OMA1: variants seen among roughly 807,000 people sequenced by gnomAD.
OMA1 encodes OMA1 zinc metallopeptidase, also known as metalloendopeptidase OMA1, mitochondrial.
OMA1 carries 38 observed loss-of-function variants against 30.9 expected under a neutral mutation model. That is an observed-to-expected ratio of 1.23 (90% CI 0.95 to 1.61). OMA1 has a LOEUF of 1.61. Among genes scored for constraint, OMA1 ranks in the 40% most tolerant of loss-of-function variants. The pLI is 0.00. For missense variants in OMA1, 461 were observed against 349.2 expected, an observed-to-expected ratio of 1.32 and a Z score of -2.55; for synonymous variants, 173 against 121.9, an observed-to-expected ratio of 1.42 and a Z score of -2.76.
chr1:58,519,835 A>T (rs1280675596), intron 7 of OMA1, among the ~76,000 whole-genome samples: 4 of 152,250 alleles, frequency 2.6e-5, no homozygotes, highest in Non-Finnish European at 5.9e-5. Context: ...GAAATTTATA[A>T]AAGAGCATCA....
intron 2 of OMA1, among the ~76,000 whole-genome samples, chr1:58,538,361 C>G (rs1203880578): frequency 1.3e-5 from 2 of 152,084 alleles, no homozygotes; most frequent in African/African-American, 2.4e-5. Context: ...AAGCAAAGTT[C>G]CTCAATTTTA....
chr1:58,496,443 C>T (rs1468012347), intron 8 of OMA1, among the ~76,000 whole-genome samples: 2 of 152,130 alleles, frequency 1.3e-5, no homozygotes, highest in African/African-American at 4.8e-5. Flanking sequence ...ATGTTCTTGC[C>T]GCCTTGCCTG....
At chr1:58,493,111 C>T (rs1365158241) in intron 8 of OMA1, among the ~76,000 whole-genome samples, 6 of 152,178 alleles carry the variant, frequency 3.9e-5, no homozygotes, top group Admixed American at 1.3e-4. Flanking sequence ...GCTGGTTCAA[C>T]ATACGCAAAT....
intron 7 of OMA1, among the ~76,000 whole-genome samples, chr1:58,522,530 A>G (rs540247235): frequency 3.9e-5 from 6 of 152,280 alleles, no homozygotes; most frequent in Non-Finnish European, 8.8e-5. Context: ...CCCATCACCA[A>G]CTTTGTACTA....
chr1:58,510,242 G>A (rs745925910), intron 7 of OMA1, among the ~76,000 whole-genome samples: 1 of 151,952 alleles, frequency 6.6e-6, no homozygotes, highest in Non-Finnish European at 1.5e-5. Context: ...CAAAATACTA[G>A]CAAGCCAAAT....
At chr1:58,511,210 C>T (rs570030584) in intron 7 of OMA1, among the ~76,000 whole-genome samples, 3 of 152,126 alleles carry the variant, frequency 2.0e-5, no homozygotes, top group Non-Finnish European at 4.4e-5. Flanking sequence ...CATCATGCTT[C>T]CTGATTTCAA....
intron 7 of OMA1, among the ~76,000 whole-genome samples, chr1:58,512,432 C>G (rs1384196914): frequency 6.6e-6 from 1 of 152,126 alleles, no homozygotes; most frequent in Non-Finnish European, 1.5e-5. Context: ...ATCAGGATCT[C>G]AAAGGGATTT....
chr1:58,535,572 G>A (rs1195772573), intron 3 of OMA1, among the ~76,000 whole-genome samples: 1 of 149,210 alleles, frequency 6.7e-6, no homozygotes, highest in Non-Finnish European at 1.5e-5. Context: ...GTACAGCCTG[G>A]GTGACAGAGC....
chr1:58,532,814 C>G (rs1466377504), intron 5 of OMA1, among the ~76,000 whole-genome samples: 1 of 152,218 alleles, frequency 6.6e-6, no homozygotes, highest in Non-Finnish European at 1.5e-5. Flanking sequence ...GTATAAGCCA[C>G]TGCACCCAGT....
chr1:58,481,382 T>C (rs562683123), intron 8 of OMA1, among the ~76,000 whole-genome samples: 1 of 152,262 alleles, frequency 6.6e-6, no homozygotes, highest in East Asian at 1.9e-4. Context: ...AATAGTATTA[T>C]TTTAAAAACA....
In OMA1 at chr1:58,534,234, T is replaced by A. The variant is rs1381431759; in HGVS notation, c.827A>T (p.Asp276Val). ...ATTGATCTGAGAGATCCCTGGAACA[T>A]CTTTATTGCATTCAATTAGATGACA... is the stretch of plus-strand genomic sequence containing the variant. ...VLCHLIECNK[D>V]VPGISQINWV... The change falls in exon 4 of 9, where the codon GAT becomes GTT. Residue 276 changes from aspartate (D) to valine (V), a missense_variant. Physicochemically the swap from Asp to Val is radical, Grantham distance 152. Coordinates refer to ENST00000371226, the MANE Select transcript of OMA1 (RefSeq NM_145243.5). The A allele has an allele frequency of 1.1e-6, 1 of 872,046 alleles. No homozygotes were observed. The highest frequency in any genetic ancestry group is 2.0e-6 in the Non-Finnish European group (1 of 501,522). 54.0% of individuals were successfully genotyped at this position (872,046 alleles called of 1,614,324 possible).
At chr1:58,484,301 T>A (rs1645538182) in intron 8 of OMA1, among the ~76,000 whole-genome samples, 2 of 152,176 alleles carry the variant, frequency 1.3e-5, no homozygotes. Context: ...TTTTCTCACC[T>A]CCATTTGGAG....
At chr1:58,488,405 G>A (rs1645613850) in intron 8 of OMA1, among the ~76,000 whole-genome samples, 1 of 152,126 alleles carries the variant, frequency 6.6e-6, no homozygotes, top group African/African-American at 2.4e-5. Flanking sequence ...GGTGACTTCT[G>A]AGATTCTGGT....
intron 8 of OMA1, among the ~76,000 whole-genome samples, chr1:58,501,263 T>C (rs1021759088): frequency 7.9e-5 from 12 of 152,214 alleles, no homozygotes; most frequent in Non-Finnish European, 1.6e-4. Flanking sequence ...TGCTTTTTTT[T>C]CTAATGTGAT....
chr1:58,491,776 A>T (rs928245594), intron 8 of OMA1, among the ~76,000 whole-genome samples: 2 of 152,232 alleles, frequency 1.3e-5, no homozygotes, highest in African/African-American at 2.4e-5. Flanking sequence ...AAGTCCTTAG[A>T]GACCTACAAA....
chr1:58,488,459 C>T (rs1557437301), intron 8 of OMA1, among the ~76,000 whole-genome samples: 1 of 151,086 alleles, frequency 6.6e-6, no homozygotes, highest in Non-Finnish European at 1.5e-5. Flanking sequence ...AATGTGTAGT[C>T]TTTTTTTTTG....
chr1:58,514,311 T>C (rs903093386), intron 7 of OMA1, among the ~76,000 whole-genome samples: 3 of 152,218 alleles, frequency 2.0e-5, no homozygotes, highest in Non-Finnish European at 4.4e-5. Flanking sequence ...GTATAAAAAT[T>C]GTTCTTATAA....
intron 7 of OMA1, among the ~76,000 whole-genome samples, chr1:58,519,263 A>C (rs1646223016): frequency 6.6e-6 from 1 of 152,170 alleles, no homozygotes; most frequent in Non-Finnish European, 1.5e-5. Flanking sequence ...GGCACTTGGT[A>C]GGTTATATAT....
intron 8 of OMA1, among the ~76,000 whole-genome samples, chr1:58,501,296 G>T (rs1475985394): frequency 1.3e-5 from 2 of 152,090 alleles, no homozygotes; most frequent in Admixed American, 1.3e-4. Flanking sequence ...CTTAAAGCAA[G>T]AAAGGAACTC....
Sources: gnomAD v4.1 joint callset for allele counts (sites outside exome capture counted in the v4.1 genomes callset) on GRCh38, gnomAD v4.1.1 for gene constraint, MANE v1.5 for transcripts, NCBI Gene and HGNC (gene_info 2026-07-23, HGNC 2026-07-21) for gene names.